The following LRRC4C variants were observed in gnomAD, a reference collection of about 807,000 sequenced individuals.
LRRC4C encodes the protein leucine rich repeat containing 4C.
Under a neutral mutation model 33.6 loss-of-function variants are expected in LRRC4C, and 5 were observed. The observed-to-expected ratio is 0.15, with a 90% CI of 0.08 to 0.31. LRRC4C has a LOEUF of 0.31. Among genes scored for constraint, LRRC4C ranks in the 10% least tolerant of loss-of-function variants. The pLI, the probability that LRRC4C is intolerant of heterozygous loss-of-function variation, is 1.00. For synonymous variants in LRRC4C, 329 were observed against 302.0 expected (o/e 1.09, Z -0.93); for missense variants, 560 against 796.7 (o/e 0.70, Z 3.58).
At chr11:40,495,997 T>C (rs954307517) in intron 3 of LRRC4C, among the ~76,000 whole-genome samples, 16 of 151,664 alleles carry the variant, frequency 1.1e-4, no homozygotes, top group African/African-American at 3.4e-4. Context: ...GCCCGGCTAA[T>C]TTTTGTATTT....
intron 1 of LRRC4C, among the ~76,000 whole-genome samples, chr11:41,348,087 A>G (rs1951857363): frequency 6.6e-6 from 1 of 152,214 alleles, no homozygotes; most frequent in Admixed American, 6.5e-5. Context: ...CGAAAACTGT[A>G]ACTCTTATCT....
At chr11:40,140,107 G>A (rs1590492839) in intron 6 of LRRC4C, among the ~76,000 whole-genome samples, 1 of 152,186 alleles carries the variant, frequency 6.6e-6, no homozygotes, top group East Asian at 1.9e-4. Context: ...GGAAGGAAGT[G>A]CATTAATTTT....
At chr11:40,369,973 G>A (rs987028737) in intron 3 of LRRC4C, among the ~76,000 whole-genome samples, 2 of 152,014 alleles carry the variant, frequency 1.3e-5, no homozygotes, top group African/African-American at 4.8e-5. Flanking sequence ...ATATCGATCA[G>A]GTTATTTCCA....
intron 2 of LRRC4C, among the ~76,000 whole-genome samples, chr11:40,846,554 A>G (rs1387079124): frequency 6.6e-6 from 1 of 152,170 alleles, no homozygotes; most frequent in African/African-American, 2.4e-5. Context: ...TTGTGGTACC[A>G]GTTCCATGCT....
intron 1 of LRRC4C, among the ~76,000 whole-genome samples, chr11:41,343,221 C>G (rs1951695744): frequency 6.6e-6 from 1 of 152,118 alleles, no homozygotes; most frequent in Non-Finnish European, 1.5e-5. Context: ...ACAATTCAAC[C>G]CACAGTACCA....
chr11:40,906,159 T>G (rs1373899830), intron 2 of LRRC4C, among the ~76,000 whole-genome samples: 1 of 152,150 alleles, frequency 6.6e-6, no homozygotes, highest in Non-Finnish European at 1.5e-5. Flanking sequence ...ATCAATAAAG[T>G]CTTTGTAACT....
chr11:40,752,112 G>A (rs1206827021), intron 2 of LRRC4C, among the ~76,000 whole-genome samples: 1 of 152,042 alleles, frequency 6.6e-6, no homozygotes, highest in Non-Finnish European at 1.5e-5. Flanking sequence ...AAGATTGTTT[G>A]AGAAGACTTA....
At chr11:41,177,826 C>T in intron 1 of LRRC4C, among the ~76,000 whole-genome samples, 1 of 152,164 alleles carries the variant, frequency 6.6e-6, no homozygotes, top group East Asian at 1.9e-4. Context: ...AAAACACAGT[C>T]ATGTCTAGAG....
chr11:40,257,347 A>G (rs1018303297), intron 4 of LRRC4C, among the ~76,000 whole-genome samples: 3 of 152,158 alleles, frequency 2.0e-5, no homozygotes, highest in Non-Finnish European at 4.4e-5. Flanking sequence ...CATATTTACT[A>G]TATACCAAGT....
At chr11:41,326,827 C>T (rs889080294) in intron 1 of LRRC4C, among the ~76,000 whole-genome samples, 1 of 152,178 alleles carries the variant, frequency 6.6e-6, no homozygotes, top group Non-Finnish European at 1.5e-5. Flanking sequence ...TAACTCTGTC[C>T]TGCACAGTTT....
intron 2 of LRRC4C, among the ~76,000 whole-genome samples, chr11:40,914,492 C>A (rs1475684616): frequency 6.6e-6 from 1 of 152,148 alleles, no homozygotes; most frequent in Admixed American, 6.5e-5. Flanking sequence ...AGACAAAATT[C>A]GACAACCCTT....
intron 3 of LRRC4C, among the ~76,000 whole-genome samples, chr11:40,495,834 T>TTTTTG (rs1954419811): frequency 1.4e-5 from 1 of 71,238 alleles, no homozygotes; most frequent in African/African-American, 4.9e-5. Flanking sequence ...TTTTTTTTTT[T>TTTTTG]TTTTTTTTTT....
intron 2 of LRRC4C, among the ~76,000 whole-genome samples, chr11:40,666,061 C>T (rs2136241587): frequency 6.6e-6 from 1 of 151,948 alleles, no homozygotes; most frequent in African/African-American, 2.4e-5. Context: ...TTATGATGAG[C>T]AATGGTAAAC....
intron 1 of LRRC4C, among the ~76,000 whole-genome samples, chr11:41,213,633 C>G (rs750511877): frequency 7.2e-5 from 11 of 152,170 alleles, no homozygotes; most frequent in Admixed American, 2.0e-4. Context: ...CAAACTTATA[C>G]AAGATTAAAT....
intron 1 of LRRC4C, among the ~76,000 whole-genome samples, chr11:41,208,956 G>A (rs964577773): frequency 1.3e-5 from 2 of 152,038 alleles, no homozygotes; most frequent in African/African-American, 2.4e-5. Context: ...TGCAACCCCC[G>A]TGGGTTTGGA....
At chr11:41,313,410 G>A (rs1013051150) in intron 1 of LRRC4C, among the ~76,000 whole-genome samples, 1 of 152,174 alleles carries the variant, frequency 6.6e-6, no homozygotes, top group Non-Finnish European at 1.5e-5. Flanking sequence ...ACTGGCAACA[G>A]AATTGAACCA....
chr11:40,459,410 C>T (rs536428499), intron 3 of LRRC4C, among the ~76,000 whole-genome samples: 68 of 137,550 alleles, frequency 4.9e-4, no homozygotes, highest in African/African-American at 1.7e-3. Context: ...CTTAAGGGTG[C>T]CCATCTCAGT....
intron 2 of LRRC4C, among the ~76,000 whole-genome samples, chr11:40,932,860 C>T (rs964904222): frequency 2.0e-5 from 3 of 152,118 alleles, no homozygotes; most frequent in Non-Finnish European, 2.9e-5. Context: ...GGACTAGATG[C>T]GGTCAGACAG....
intron 1 of LRRC4C, among the ~76,000 whole-genome samples, chr11:41,079,940 A>T (rs1939440646): frequency 1.3e-5 from 2 of 152,148 alleles, no homozygotes; most frequent in African/African-American, 4.8e-5. Flanking sequence ...GACTATCCAC[A>T]GATTCTACTG....
Sources: gnomAD v4.1 joint callset for allele counts (sites outside exome capture counted in the v4.1 genomes callset) on GRCh38, gnomAD v4.1.1 for gene constraint, MANE v1.5 for transcripts, NCBI Gene and HGNC (gene_info 2026-07-23, HGNC 2026-07-21) for gene names.